GLB1: variants seen among roughly 807,000 people sequenced by gnomAD.
GLB1 encodes beta-galactosidase.
A neutral mutation model predicts 74.0 loss-of-function variants in GLB1; 56 were observed. The observed-to-expected ratio is 0.76, with a 90% CI of 0.61 to 0.94. The LOEUF (loss-of-function observed/expected upper bound fraction) is 0.94. Among genes scored for constraint, GLB1 ranks in the 40% least tolerant of loss-of-function variants. GLB1 has a pLI of 0.00. For missense variants in GLB1, 787 were observed against 845.5 expected (o/e 0.93, Z 0.86); for synonymous variants, 323 against 323.6 (o/e 1.00, Z 0.02).
At chr3:33,005,363 A>C (rs1161406458) in intron 15 of GLB1, among the ~76,000 whole-genome samples, 1 of 152,198 alleles carries the variant, frequency 6.6e-6, no homozygotes, top group Non-Finnish European at 1.5e-5. Context: ...CCCACTAGGA[A>C]GACCAGACCT....
At chr3:32,993,522 ATTTTTTTTT>A (rs746774682), downstream of GLB1, among the ~76,000 whole-genome samples, 11 of 62,284 alleles carry the variant, frequency 1.8e-4, no homozygotes, top group East Asian at 1.2e-3. Context: ...CATCCAGCTA[ATTTTTTTTT>A]TTTTTTTTTT....
At chr3:33,042,804 GC>G (rs1475149136) in intron 10 of GLB1, among the ~76,000 whole-genome samples, 16 of 152,192 alleles carry the variant, frequency 1.1e-4, no homozygotes, top group Admixed American at 4.6e-4. Flanking sequence ...GCGGAGATAT[GC>G]CACATGGCTC....
chr3:33,019,673 T>G lies in GLB1; in HGVS notation c.1234-1112A>C, dbSNP rs72854767. 7.0e-3 allele frequency among the ~76,000 whole-genome samples: 1,065 copies of G among 152,258 alleles called. 15 individuals carry two copies. Among genetic ancestry groups the G allele is most frequent in the African/African-American group, 0.025 (1,028 of 41,532 alleles). ...CTCCCGCCCAGGCTCCACATCTCCA[T>G]CTCCTTCTGGTTCATTTATTTACTT... On this transcript the variant is annotated intron_variant, in intron 12 of 15. Coordinates refer to ENST00000307363, the MANE Select transcript of GLB1 (RefSeq NM_000404.4).
chr3:33,063,685 T>C (rs975902171), intron 5 of GLB1, among the ~76,000 whole-genome samples: 7 of 151,992 alleles, frequency 4.6e-5, no homozygotes, highest in Admixed American at 3.3e-4. Context: ...AAAAGAGGGT[T>C]TGCACCTGAG....
At chr3:33,001,810 T>C (rs554363824) in intron 15 of GLB1, among the ~76,000 whole-genome samples, 2 of 152,214 alleles carry the variant, frequency 1.3e-5, no homozygotes, top group African/African-American at 2.4e-5. Flanking sequence ...ATTCTTCACG[T>C]TCCTCTGCTC....
the GLB1 span, among the ~76,000 whole-genome samples, chr3:32,987,393 C>T: frequency 6.6e-6 from 1 of 152,218 alleles, no homozygotes; most frequent in South Asian, 2.1e-4. Flanking sequence ...AAAGTAGTCT[C>T]CTTGCTTACC....
chr3:33,092,592 A>G (rs2125584096), intron 1 of GLB1: 1 of 1,316,110 alleles, frequency 7.6e-7, no homozygotes, highest in Non-Finnish European at 9.7e-7. Flanking sequence ...GTGCTAATAT[A>G]TGTGACCTTA....
At chr3:33,064,523 T>A (rs1456842094) in intron 5 of GLB1, among the ~76,000 whole-genome samples, 1 of 148,566 alleles carries the variant, frequency 6.7e-6, no homozygotes, top group Non-Finnish European at 1.5e-5. Flanking sequence ...ACGCCTGTAA[T>A]CCCAGCACTT....
the GLB1 span, among the ~76,000 whole-genome samples, chr3:32,983,261 C>A: frequency 3.3e-5 from 5 of 152,168 alleles, no homozygotes; most frequent in Admixed American, 2.6e-4. Flanking sequence ...ACTTTATCCT[C>A]TGGGTCTCTA....
chr3:33,027,548 C>T (rs1011656114), intron 10 of GLB1, among the ~76,000 whole-genome samples: 5 of 152,188 alleles, frequency 3.3e-5, no homozygotes, highest in African/African-American at 1.2e-4. Flanking sequence ...TTTGGGAGGC[C>T]GAGGCAGGCA....
At chr3:33,076,460 C>T (rs1448200406) in intron 1 of GLB1, among the ~76,000 whole-genome samples, 1 of 152,162 alleles carries the variant, frequency 6.6e-6, no homozygotes, top group Non-Finnish European at 1.5e-5. Flanking sequence ...TATGTGTTTT[C>T]AAATGTTTGG....
chr3:33,053,055 C>T (rs775377125), intron 7 of GLB1, among the ~76,000 whole-genome samples: 4 of 152,270 alleles, frequency 2.6e-5, no homozygotes, highest in East Asian at 1.9e-4. Context: ...ACGGGAAGAA[C>T]GGAGAGAGAA....
At chr3:33,031,671 A>ATATATATG in intron 10 of GLB1, among the ~76,000 whole-genome samples, 1 of 128,852 alleles carries the variant, frequency 7.8e-6, no homozygotes, top group African/African-American at 2.9e-5. Context: ...ATATATATAT[A>ATATATATG]TATAATCTCC....
chr3:33,016,620 G>C (rs1697245082), intron 14 of GLB1, 89 bp downstream of exon 14: 1 of 1,593,412 alleles, frequency 6.3e-7, no homozygotes, highest in Non-Finnish European at 8.6e-7. Context: ...CCAAAGTGCT[G>C]AGATTACAGG....
At chr3:33,033,406 TAAAAAG>T (rs1313683537) in intron 10 of GLB1, among the ~76,000 whole-genome samples, 1 of 152,198 alleles carries the variant, frequency 6.6e-6, no homozygotes, top group African/African-American at 2.4e-5. Flanking sequence ...TCAGCCAGGC[TAAAAAG>T]AAAGATTTCT....
downstream of GLB1, among the ~76,000 whole-genome samples, chr3:32,996,318 C>T (rs529596632): frequency 9.2e-5 from 14 of 152,316 alleles, no homozygotes; most frequent in African/African-American, 2.9e-4. Context: ...TAGGCCTGTA[C>T]TGTGTGAATA....
At chr3:32,977,961 C>T in the GLB1 span, among the ~76,000 whole-genome samples, 27 of 152,310 alleles carry the variant, frequency 1.8e-4, no homozygotes, top group Non-Finnish European at 2.4e-4. Flanking sequence ...GATATTTACA[C>T]GCCCTTAACC....
chr3:33,048,912 G>A (rs1698855727), intron 9 of GLB1, among the ~76,000 whole-genome samples: 1 of 152,090 alleles, frequency 6.6e-6, no homozygotes, highest in Non-Finnish European at 1.5e-5. Flanking sequence ...ATTAAGATGA[G>A]GCTAATATGC....
intron 15 of GLB1, among the ~76,000 whole-genome samples, chr3:33,002,471 G>A (rs1382277665): frequency 6.6e-6 from 1 of 151,078 alleles, no homozygotes; most frequent in Admixed American, 6.6e-5. Flanking sequence ...GGGCTTAAGC[G>A]ATCCTCCTGT....
Sources: allele counts gnomAD v4.1 joint callset (sites outside exome capture counted in the v4.1 genomes callset), GRCh38; gene constraint gnomAD v4.1.1; transcripts MANE v1.5; gene names NCBI Gene and HGNC (gene_info 2026-07-23, HGNC 2026-07-21).